Variants in COL17A1 observed in about 807,000 individuals in gnomAD.
The protein encoded by COL17A1 is collagen type XVII alpha 1 chain, also known as collagen alpha-1(XVII) chain.
COL17A1 carries 181 observed loss-of-function variants against 218.4 expected under a neutral mutation model. The observed-to-expected ratio is 0.83, with a 90% CI of 0.73 to 0.94. The LOEUF is 0.94. Among genes scored for constraint, COL17A1 ranks in the 40% least tolerant of loss-of-function variants. The pLI, the probability that COL17A1 is intolerant of heterozygous loss-of-function variation, is 0.00. For synonymous variants in COL17A1, 721 were observed against 731.0 expected (o/e 0.99, Z 0.22); for missense variants, 1,924 against 1,945.9 (o/e 0.99, Z 0.21).
Position 104,073,191 on chromosome 10 carries a change from A to C in COL17A1, c.415+19T>G, listed in dbSNP as rs2086682255. 12 of 1,612,030 alleles carry C rather than the reference A, an allele frequency of 7.4e-6. No homozygotes were observed. Among genetic ancestry groups the C allele is most frequent in the Non-Finnish European group, 9.3e-6 (11 of 1,178,126 alleles). ...ATACTTGTTGAATGAATTGGACTGAACCCAGTGACAGCACTCACCTCGTGT... is the reference window on the plus strand; with the variant it reads ...ATACTTGTTGAATGAATTGGACTGACCCCAGTGACAGCACTCACCTCGTGT... On this transcript the variant is annotated intron_variant, in intron 7 of 55. Coordinates refer to ENST00000648076, the MANE Select transcript of COL17A1 (RefSeq NM_000494.4).
At chr10:104,072,898 C>T (rs953545565) in intron 7 of COL17A1, among the ~76,000 whole-genome samples, 6 of 152,294 alleles carry the variant, frequency 3.9e-5, no homozygotes, top group South Asian at 2.1e-4. Flanking sequence ...GCCAGGAGAC[C>T]AGAAGTGAAA....
chr10:104,050,793 T>C, intron 26 of COL17A1, 55 bp downstream of exon 26: 1 of 1,614,160 alleles, frequency 6.2e-7, no homozygotes, highest in Admixed American at 1.7e-5. Flanking sequence ...CTGCATAGGC[T>C]GTGGGTCGTG....
Position 104,080,663 on chromosome 10 carries a change from G to T in COL17A1, c.11C>A (p.Thr4Asn). 1.2e-6 allele frequency: 2 copies of T among 1,613,016 alleles called. No individual in the cohort carries two copies. Among genetic ancestry groups the T allele is most frequent in the Non-Finnish European group, 1.7e-6 (2 of 1,179,930 alleles). Reference sequence around the variant, plus strand: ...AGTTCCATCTCGTTTGTTTTTCTTGGTTACATCCATACCATAGCCACCTGC... The same window carrying T: ...AGTTCCATCTCGTTTGTTTTTCTTGTTTACATCCATACCATAGCCACCTGC... MDV[T>N]KKNKRDGTEV... The change falls in exon 2 of 56, where the codon ACC (threonine) becomes AAC (asparagine). Residue 4 changes from threonine to asparagine, a missense_variant. Coordinates refer to ENST00000648076, the MANE Select transcript of COL17A1 (RefSeq NM_000494.4).
chr10:104,034,652 G>C lies in COL17A1; in HGVS notation c.3735C>G (p.Ser1245Arg), dbSNP rs770380451. The C allele has an allele frequency of 1.7e-5, 27 of 1,610,394 alleles. No individual in the cohort carries two copies. The highest frequency in any genetic ancestry group is 2.2e-5 in the Non-Finnish European group (26 of 1,178,630). Residue 1245 changes from serine to arginine, a missense_variant, in exon 51 of 56, where the codon AGC becomes AGG. Physicochemically the swap from Ser to Arg is moderately radical, Grantham distance 110 (BLOSUM62 -1). Coordinates refer to ENST00000648076, the MANE Select transcript of COL17A1 (RefSeq NM_000494.4). ...LATYAAENSD[S>R]FRSELISYLT... ...GGTAGCTGATCAGCTCGCTCCGGAA[G>C]CTGTCGCTGTTTTCAGCTGCATAGG...
At chr10:104,077,858 C>T (rs1277124428) in intron 3 of COL17A1, among the ~76,000 whole-genome samples, 1 of 152,176 alleles carries the variant, frequency 6.6e-6, no homozygotes, top group African/African-American at 2.4e-5. Context: ...ATGAAAGCTC[C>T]TTGAGTCCAG....
intron 6 of COL17A1, 189 bp downstream of exon 6, chr10:104,073,995 T>C (rs1227095172): frequency 2.6e-6 from 2 of 777,932 alleles, no homozygotes; most frequent in Admixed American, 2.2e-5. Flanking sequence ...AGCAAGTTAA[T>C]GTGGCTGATA....
chr10:104,061,275 A>C, intron 13 of COL17A1, 130 bp downstream of exon 13: 1 of 915,686 alleles, frequency 1.1e-6, no homozygotes, highest in Non-Finnish European at 1.7e-6. Context: ...TGCAGGCCTA[A>C]GACCACTCAT....
At chr10:104,059,585 T>G in intron 15 of COL17A1, 53 bp downstream of exon 15, 4 of 1,533,004 alleles carry the variant, frequency 2.6e-6, no homozygotes, top group Non-Finnish European at 3.6e-6. Flanking sequence ...GACAATGAAA[T>G]GAAATGTGGC....
rs1554850239 is a variant in COL17A1, at chr10:104,064,542, C to T, written c.662G>A (p.Trp221Ter). Residue 221 changes from tryptophan to a stop codon, truncating the protein, a stop_gained, in exon 10 of 56, where the codon TGG (tryptophan) becomes TAG (stop). Coordinates refer to ENST00000648076, the MANE Select transcript of COL17A1 (RefSeq NM_000494.4). LOFTEE classifies it high-confidence loss of function. ...ILDANLPSHV[W>*]SSTLPAGSSM... ...GGACCCCGCGGGCAGGGTGGAGGAC[C>T]ACACATGGGAGGGAAGGTTGGCATC... is the stretch of plus-strand genomic sequence containing the variant. 1.2e-6 allele frequency: 2 copies of T among 1,613,924 alleles called. No homozygotes were observed. The highest frequency in any genetic ancestry group is 1.7e-6 in the Non-Finnish European group (2 of 1,180,004).
At position 104,055,025 on chromosome 10, in the gene COL17A1, T is replaced by C; in HGVS notation, c.1718-18A>G. Reference sequence around the variant, plus strand: ...CATGTCACCTGAAACCAGAAAGATATGAAAACTGTGAGATGGGGCAAGAAC... The same window carrying C: ...CATGTCACCTGAAACCAGAAAGATACGAAAACTGTGAGATGGGGCAAGAAC... On this transcript the variant is annotated intron_variant, in intron 19 of 55. Coordinates refer to ENST00000648076, the MANE Select transcript of COL17A1 (RefSeq NM_000494.4). The C allele has an allele frequency of 6.2e-7, 1 of 1,614,010 alleles. No individual in the cohort carries two copies. The highest frequency in any genetic ancestry group is 2.2e-5 in the East Asian group (1 of 44,870).
chr10:104,071,942 A>AAGG, intron 8 of COL17A1, 90 bp downstream of exon 8: 1 of 1,529,978 alleles, frequency 6.5e-7, no homozygotes, highest in Non-Finnish European at 9.0e-7. Context: ...GCATGCATGC[A>AAGG]CACACACACG....
At position 104,056,020 on chromosome 10, in the gene COL17A1, C is replaced by T. The variant is rs1343354700; in HGVS notation, c.1466-17G>A. ...CCTCCTCCGCTGCAACAAACAGACA[C>T]ACACTGCGTCACTGAGGGCCCGGTC... On this transcript the variant is annotated splice_polypyrimidine_tract_variant and intron_variant, in intron 17 of 55. Coordinates refer to ENST00000648076, the MANE Select transcript of COL17A1 (RefSeq NM_000494.4). 1.9e-6 allele frequency: 3 copies of T among 1,614,056 alleles called. No homozygotes were observed. The highest frequency in any genetic ancestry group is 1.3e-5 in the African/African-American group (1 of 75,054).
chr10:104,072,852 G>A (rs541192343), intron 7 of COL17A1, among the ~76,000 whole-genome samples: 2 of 152,266 alleles, frequency 1.3e-5, no homozygotes, highest in African/African-American at 4.8e-5. Context: ...ATCTTTTGAC[G>A]TGTAAAGGCA....
At chr10:104,048,319 T>C in intron 29 of COL17A1, 1 of 709,674 alleles carries the variant, frequency 1.4e-6, no homozygotes, top group Non-Finnish European at 2.6e-6. Context: ...TTGAGAATTG[T>C]TCAGTGCCTT....
intron 32 of COL17A1, among the ~76,000 whole-genome samples, chr10:104,046,410 G>T (rs984014769): frequency 2.6e-5 from 4 of 152,164 alleles, no homozygotes; most frequent in Non-Finnish European, 5.9e-5. Context: ...TGCCAGTGGG[G>T]GAACTTGGGC....
At position 104,057,007 on chromosome 10, in the gene COL17A1, A is replaced by G. The variant is rs1207246185; in HGVS notation, c.1433T>C (p.Leu478Pro). Residue 478 changes from leucine (L) to proline (P), a missense_variant, in exon 17 of 56, where the codon CTC becomes CCC. Leu to Pro is a moderately conservative substitution (Grantham distance 98). Coordinates refer to ENST00000648076, the MANE Select transcript of COL17A1 (RefSeq NM_000494.4). ...LLGLLLTWLL[L>P]LGLLFGLIAL... ...AATGAGGCCGAAGAGCAGCCCCAGGAGTAGCAGCCAGGTGAGCAGCAGGCC... is the reference window on the plus strand; with the variant it reads ...AATGAGGCCGAAGAGCAGCCCCAGGGGTAGCAGCCAGGTGAGCAGCAGGCC... 1 of 1,589,752 alleles carries G rather than the reference A, an allele frequency of 6.3e-7. No individual in the cohort carries two copies. Among genetic ancestry groups the G allele is most frequent in the East Asian group, 2.3e-5 (1 of 43,638 alleles).
chr10:104,085,125 T>C (rs1229339694), intron 1 of COL17A1, among the ~76,000 whole-genome samples: 2 of 152,360 alleles, frequency 1.3e-5, no homozygotes, highest in Non-Finnish European at 2.9e-5. Flanking sequence ...AGTTTGATCC[T>C]GCAAAATTTC....
At chr10:104,075,318 G>A (rs1263849669) in intron 5 of COL17A1, among the ~76,000 whole-genome samples, 1 of 151,980 alleles carries the variant, frequency 6.6e-6, no homozygotes, top group Non-Finnish European at 1.5e-5. Context: ...TGTGCTTCAG[G>A]ATGAATTAGC....
At chr10:104,052,948 CAG>C (rs937358387) in intron 23 of COL17A1, 81 bp downstream of exon 23, 1 of 1,497,102 alleles carries the variant, frequency 6.7e-7, no homozygotes, top group East Asian at 2.3e-5. Context: ...GAAACAGAGA[CAG>C]AGTGAAGGAG....
Sources: gnomAD v4.1 joint callset for allele counts (sites outside exome capture counted in the v4.1 genomes callset) on GRCh38, gnomAD v4.1.1 for gene constraint, MANE v1.5 for transcripts, NCBI Gene and HGNC (gene_info 2026-07-23, HGNC 2026-07-21) for gene names.